TAFA1: variants seen among roughly 807,000 people sequenced by gnomAD.
The protein encoded by TAFA1 is chemokine-like protein TAFA-1.
A neutral mutation model predicts 18.5 loss-of-function variants in TAFA1; 4 were observed. The observed-to-expected ratio is 0.22, with a 90% confidence interval of 0.11 to 0.49. The LOEUF (loss-of-function observed/expected upper bound fraction) is 0.49, where lower values mean the gene tolerates loss of function less well. TAFA1 is among the 20% of genes least tolerant of loss of function. The pLI, the probability that TAFA1 is intolerant of heterozygous loss-of-function variation, is 0.98. For synonymous variants in TAFA1, 56 were observed against 55.2 expected (o/e 1.01, Z -0.06); for missense variants, 147 against 169.0 (o/e 0.87, Z 0.72).
chr3:68,342,692 A>G (rs997357916), intron 2 of TAFA1, among the ~76,000 whole-genome samples: 1 of 152,206 alleles, frequency 6.6e-6, no homozygotes, highest in African/African-American at 2.4e-5. Flanking sequence ...TATGGAGAAT[A>G]AAAGCCTCAA....
At chr3:68,452,903 A>G (rs559564942) in intron 3 of TAFA1, among the ~76,000 whole-genome samples, 2 of 152,138 alleles carry the variant, frequency 1.3e-5, no homozygotes, top group South Asian at 2.1e-4. Context: ...TTCTTTTTCA[A>G]TCGATTCTGA....
chr3:68,004,960 ATC>A (rs1256600606), intron 1 of TAFA1, among the ~76,000 whole-genome samples: 1 of 152,144 alleles, frequency 6.6e-6, no homozygotes, highest in Non-Finnish European at 1.5e-5. Context: ...GAGTGGTAGG[ATC>A]TATATGGGTG....
chr3:68,076,332 G>C (rs565859174), intron 2 of TAFA1, among the ~76,000 whole-genome samples: 91 of 151,144 alleles, frequency 6.0e-4, no homozygotes, highest in African/African-American at 2.1e-3. Context: ...TATACTTTAA[G>C]TTTTAGGGTA....
At chr3:68,354,167 T>TC (rs397989980) in intron 2 of TAFA1, among the ~76,000 whole-genome samples, 1 of 151,842 alleles carries the variant, frequency 6.6e-6, no homozygotes, top group African/African-American at 2.4e-5. Flanking sequence ...ATTTTTTTTT[T>TC]CTATCCCAAG....
In TAFA1 at chr3:68,026,138, C is replaced by G. The variant is rs548407369; in HGVS notation, c.118+19394C>G. Among the ~76,000 whole-genome samples, 12 of 152,236 alleles carry G rather than the reference C, an allele frequency of 7.9e-5. No homozygotes were observed. The South Asian group carries it at 1.9e-3, about 24-fold the overall frequency. Reference sequence around the variant, plus strand: ...AAGTATTTACATAATTCCTCCACAGCCTTCAGCTCTTTGCTAAAAATGAAA... The same window carrying G: ...AAGTATTTACATAATTCCTCCACAGGCTTCAGCTCTTTGCTAAAAATGAAA... On this transcript the variant is annotated intron_variant, in intron 2 of 4. Transcript: ENST00000478136.
intron 2 of TAFA1, among the ~76,000 whole-genome samples, chr3:68,190,429 T>C (rs1372384281): frequency 2.6e-5 from 4 of 151,914 alleles, no homozygotes; most frequent in African/African-American, 2.4e-5. Flanking sequence ...TTTTATTTGT[T>C]TTCTGAATAC....
At chr3:68,544,384 T>G (rs775531658) in intron 4 of TAFA1, 102 bp from the exon 5 acceptor site, 8 of 1,186,614 alleles carry the variant, frequency 6.7e-6, no homozygotes, top group Admixed American at 4.2e-5. Flanking sequence ...AAAAGCAACA[T>G]CCTAAAGATT....
At chr3:68,011,845 C>G (rs542967726) in intron 2 of TAFA1, among the ~76,000 whole-genome samples, 42 of 152,276 alleles carry the variant, frequency 2.8e-4, no homozygotes, top group Non-Finnish European at 5.1e-4. Context: ...GATATTTGAT[C>G]AGACCCTATA....
intron 3 of TAFA1, among the ~76,000 whole-genome samples, chr3:68,537,024 A>T (rs1368593679): frequency 6.6e-6 from 1 of 152,178 alleles, no homozygotes; most frequent in Non-Finnish European, 1.5e-5. Context: ...TCAAGGCCCT[A>T]GGCTAGGCGA....
chr3:68,236,941 G>T (rs966335410), intron 2 of TAFA1, among the ~76,000 whole-genome samples: 1 of 152,124 alleles, frequency 6.6e-6, no homozygotes, highest in African/African-American at 2.4e-5. Context: ...CTTCAACAAA[G>T]ATCTCAGACA....
chr3:68,289,985 T>C (rs992186384), intron 2 of TAFA1, among the ~76,000 whole-genome samples: 2 of 152,218 alleles, frequency 1.3e-5, no homozygotes, highest in African/African-American at 4.8e-5. Context: ...CCTTGACTCT[T>C]ATGCTTAAAA....
At chr3:68,231,624 C>T (rs554801358) in intron 2 of TAFA1, among the ~76,000 whole-genome samples, 17 of 151,046 alleles carry the variant, frequency 1.1e-4, no homozygotes, top group South Asian at 2.1e-4. Flanking sequence ...CCTCCCAAAG[C>T]GCTGGGATTA....
intron 2 of TAFA1, among the ~76,000 whole-genome samples, chr3:68,280,650 T>G (rs1434460285): frequency 6.6e-6 from 1 of 152,038 alleles, no homozygotes; most frequent in Non-Finnish European, 1.5e-5. Flanking sequence ...AGTGGGATGA[T>G]TAGAAAGATT....
At chr3:68,311,247 G>A (rs1255651956) in intron 2 of TAFA1, among the ~76,000 whole-genome samples, 3 of 152,190 alleles carry the variant, frequency 2.0e-5, no homozygotes, top group African/African-American at 7.2e-5. Context: ...GCTACAAGAT[G>A]AGATTTGGGT....
intron 2 of TAFA1, among the ~76,000 whole-genome samples, chr3:68,385,975 A>G (rs534651716): frequency 1.3e-5 from 2 of 152,210 alleles, no homozygotes; most frequent in Admixed American, 1.3e-4. Context: ...TGTATAATAT[A>G]TTAGTGTTAA....
chr3:68,169,319 G>A (rs577464932), intron 2 of TAFA1, among the ~76,000 whole-genome samples: 1 of 152,330 alleles, frequency 6.6e-6, no homozygotes, highest in East Asian at 1.9e-4. Context: ...AGGAACTGAG[G>A]CCCTTGAATA....
intron 2 of TAFA1, among the ~76,000 whole-genome samples, chr3:68,117,472 G>C (rs1371237034): frequency 6.6e-6 from 1 of 152,142 alleles, no homozygotes; most frequent in Non-Finnish European, 1.5e-5. Flanking sequence ...TTAATGATAG[G>C]TTATCAGCAT....
chr3:68,210,514 A>G (rs1015976638), intron 2 of TAFA1, among the ~76,000 whole-genome samples: 2 of 152,040 alleles, frequency 1.3e-5, no homozygotes, highest in Admixed American at 6.6e-5. Flanking sequence ...CAAAGTTCCA[A>G]TGTTTACCCT....
At chr3:68,143,463 G>GTCTCC (rs2065695843) in intron 2 of TAFA1, among the ~76,000 whole-genome samples, 1 of 152,090 alleles carries the variant, frequency 6.6e-6, no homozygotes, top group African/African-American at 2.4e-5. Flanking sequence ...AAGCACAATG[G>GTCTCC]TCTCCCTTTC....
Sources: allele counts gnomAD v4.1 joint callset (sites outside exome capture counted in the v4.1 genomes callset), GRCh38; gene constraint gnomAD v4.1.1; transcripts MANE v1.5; gene names NCBI Gene and HGNC (gene_info 2026-07-23, HGNC 2026-07-21).